The following PUM2 variants were observed in gnomAD, a reference collection of about 807,000 sequenced individuals.
PUM2 encodes the protein pumilio homolog 2.
PUM2 carries 57 observed loss-of-function variants against 124.5 expected under a neutral mutation model. That is an observed-to-expected ratio of 0.46 (90% confidence interval 0.37 to 0.57). The LOEUF (loss-of-function observed/expected upper bound fraction) is 0.57, where lower values mean the gene tolerates loss of function less well. Ranked by LOEUF, PUM2 falls within the 20% of genes least tolerant of loss-of-function variation. PUM2 has a pLI of 0.00. For synonymous variants in PUM2, 460 were observed against 446.1 expected, an observed-to-expected ratio of 1.03 and a Z score of -0.39; for missense variants, 1,065 against 1,290.6, an observed-to-expected ratio of 0.83 and a Z score of 2.68.
intron 16 of PUM2, among the ~76,000 whole-genome samples, chr2:20,256,947 G>C (rs1042720681): frequency 2.7e-5 from 4 of 148,868 alleles, no homozygotes. Flanking sequence ...CGGAGGCTGA[G>C]GCAGGAGAAT....
chr2:20,260,562 C>CTT, intron 14 of PUM2, 96 bp from the exon 15 acceptor site: 2 of 1,091,784 alleles, frequency 1.8e-6, no homozygotes, highest in South Asian at 3.8e-5. Context: ...AAGTTATTTC[C>CTT]ATAAATATTA....
At chr2:20,282,456 T>C (rs967982723) in intron 12 of PUM2, among the ~76,000 whole-genome samples, 7 of 152,208 alleles carry the variant, frequency 4.6e-5, no homozygotes, top group African/African-American at 7.2e-5. Flanking sequence ...TCAGTATTTA[T>C]ACATACACAT....
At chr2:20,338,254 G>A (rs1392159769) in intron 1 of PUM2, among the ~76,000 whole-genome samples, 5 of 152,168 alleles carry the variant, frequency 3.3e-5, no homozygotes, top group Admixed American at 1.3e-4. Flanking sequence ...AAAATTAGCC[G>A]GGTATGGCAG....
At chr2:20,344,577 A>G (rs986726808) in intron 1 of PUM2, among the ~76,000 whole-genome samples, 1 of 151,908 alleles carries the variant, frequency 6.6e-6, no homozygotes, top group African/African-American at 2.4e-5. Flanking sequence ...CCTCCCTATA[A>G]CTGCACCTTA....
chr2:20,253,214 T>G (rs985151909), intron 20 of PUM2, among the ~76,000 whole-genome samples: 7 of 152,178 alleles, frequency 4.6e-5, no homozygotes, highest in African/African-American at 1.7e-4. Flanking sequence ...GAATGACTGA[T>G]TTATTTTTTG....
intron 3 of PUM2, among the ~76,000 whole-genome samples, chr2:20,317,623 G>A (rs1352873801): frequency 6.6e-6 from 1 of 152,020 alleles, no homozygotes; most frequent in Non-Finnish European, 1.5e-5. Flanking sequence ...CATGTCACAG[G>A]GGTTTGGTGT....
intron 1 of PUM2, among the ~76,000 whole-genome samples, chr2:20,341,088 CAGG>C (rs1020341619): frequency 6.6e-6 from 1 of 152,116 alleles, no homozygotes; most frequent in African/African-American, 2.4e-5. Flanking sequence ...TTGGCCAAGG[CAGG>C]AGGATTACTT....
intron 3 of PUM2, among the ~76,000 whole-genome samples, chr2:20,317,251 T>C (rs1681185663): frequency 6.6e-6 from 1 of 152,064 alleles, no homozygotes; most frequent in African/African-American, 2.4e-5. Context: ...ACACTGTCAC[T>C]CCTGCATGTT....
At chr2:20,315,069 T>C (rs112420325) in intron 3 of PUM2, among the ~76,000 whole-genome samples, 1 of 151,104 alleles carries the variant, frequency 6.6e-6, no homozygotes, top group African/African-American at 2.4e-5. Flanking sequence ...TCTTTTTTTT[T>C]TTTTTTTTTG....
Position 20,254,005 on chromosome 2 carries a change from T to C in PUM2, c.2880A>G (p.Val960=), listed in dbSNP as rs140022438. The part of the protein sequence containing the change: ...LSQHKFASNV[V]EKCVTHASRA... The stretch of plus-strand genomic sequence containing the variant: ...GGGAGGCATGAGTAACACACTTTTC[T>C]ACTACATTGCTAAAAATTAAAGCAG... The change falls in exon 20 of 21, where the codon GTA becomes GTG. Residue 960 remains valine, a synonymous_variant. Transcript: ENST00000361078. 2.5e-6 allele frequency: 4 copies of C among 1,602,114 alleles called. No homozygotes were observed. The highest frequency in any genetic ancestry group is 3.4e-6 in the Non-Finnish European group (4 of 1,176,794).
chr2:20,266,230 G>C (rs778230492), intron 13 of PUM2, among the ~76,000 whole-genome samples: 1 of 152,086 alleles, frequency 6.6e-6, no homozygotes, highest in African/African-American at 2.4e-5. Flanking sequence ...ATAGCTCGAG[G>C]TCATGAGTCT....
rs925344129 is a variant in PUM2, at chr2:20,347,517, A to G, written c.-19+3080T>C. 2.6e-5 allele frequency among the ~76,000 whole-genome samples: 4 copies of G among 152,220 alleles called. No individual in the cohort carries two copies. The East Asian group carries it at 7.7e-4, about 29-fold the overall frequency. On this transcript the variant is annotated intron_variant, in intron 1 of 20. Transcript: ENST00000361078. The stretch of plus-strand genomic sequence containing the variant: ...AAAAGCTTGAAAATAGAAAACTTCC[A>G]CTTTTTCAACTACAAAAGCAATTAA...
At chr2:20,336,847 C>T (rs973040430) in intron 1 of PUM2, among the ~76,000 whole-genome samples, 4 of 150,356 alleles carry the variant, frequency 2.7e-5, no homozygotes, top group Non-Finnish European at 1.5e-5. Context: ...ATCTGGAACT[C>T]GTGAGTTCAA....
chr2:20,252,630 T>C (rs559551150), intron 20 of PUM2, among the ~76,000 whole-genome samples: 2 of 152,230 alleles, frequency 1.3e-5, no homozygotes, highest in South Asian at 4.1e-4. Context: ...GTTTTCTTTA[T>C]AAGTTTTCCT....
intron 1 of PUM2, among the ~76,000 whole-genome samples, chr2:20,348,601 A>G (rs977248415): frequency 6.6e-6 from 1 of 152,190 alleles, no homozygotes; most frequent in Non-Finnish European, 1.5e-5. Flanking sequence ...ATAAGTACCT[A>G]CTCCGGAAGG....
rs190338881 is a variant in PUM2 at position 20,266,634 on chromosome 2, T to C, written c.1958-3174A>G. Reference sequence around the variant, plus strand: ...GTAAAACCCAATTTTTAACATACATTAGACATTTTAAATTTTGTTGTCTAA... The same window carrying C: ...GTAAAACCCAATTTTTAACATACATCAGACATTTTAAATTTTGTTGTCTAA... On this transcript the variant is annotated intron_variant, in intron 13 of 20. Transcript: ENST00000361078. 1.6e-3 allele frequency among the ~76,000 whole-genome samples: 249 copies of C among 152,358 alleles called. 2 individuals are homozygous for C. The highest frequency in any genetic ancestry group is 5.9e-3 in the African/African-American group (244 of 41,588).
At chr2:20,258,107 C>T in intron 16 of PUM2, 136 bp downstream of exon 16, 1 of 767,932 alleles carries the variant, frequency 1.3e-6, no homozygotes, top group Non-Finnish European at 2.0e-6. Context: ...CTATTTAGGA[C>T]ACAGTAACAA....
intron 16 of PUM2, among the ~76,000 whole-genome samples, chr2:20,257,856 TG>T (rs1397272855): frequency 6.6e-6 from 1 of 152,184 alleles, no homozygotes; most frequent in Non-Finnish European, 1.5e-5. Context: ...TTTTCATATA[TG>T]TAAATAAAAC....
intron 19 of PUM2, among the ~76,000 whole-genome samples, chr2:20,254,511 C>A (rs1664293535): frequency 1.3e-5 from 2 of 152,130 alleles, no homozygotes; most frequent in African/African-American, 2.4e-5. Context: ...ATCATTTTGA[C>A]ATCCACAAGT....
Sources: allele counts gnomAD v4.1 joint callset (sites outside exome capture counted in the v4.1 genomes callset), GRCh38; gene constraint gnomAD v4.1.1; transcripts MANE v1.5; gene names NCBI Gene and HGNC (gene_info 2026-07-23, HGNC 2026-07-21).